Variants in AGK observed in about 807,000 individuals in gnomAD.
AGK encodes the protein acylglycerol kinase, mitochondrial.
AGK carries 52 observed loss-of-function variants against 66.4 expected under a neutral mutation model. The ratio of observed to expected loss-of-function variants is 0.78; its 90% CI spans 0.63 to 0.99. The LOEUF (loss-of-function observed/expected upper bound fraction) is 0.99, where lower values mean the gene tolerates loss of function less well. AGK is among the 50% of genes least tolerant of loss of function. The pLI, the probability that AGK is intolerant of heterozygous loss-of-function variation, is 0.00. For synonymous variants in AGK, 182 were observed against 181.1 expected, an observed-to-expected ratio of 1.00 and a Z score of -0.04; for missense variants, 451 against 506.6, an observed-to-expected ratio of 0.89 and a Z score of 1.05.
In AGK at chr7:141,654,485, G is replaced by A. The variant is rs1426132868; in HGVS notation, c.*1561G>A. 6.6e-6 allele frequency: 1 copy of A among 152,242 alleles called. No individual in the cohort carries two copies. 9.4% of individuals were successfully genotyped at this position (152,242 alleles called of 1,614,324 possible). A position where few individuals can be genotyped will look rare whatever the true frequency, so the allele number is the denominator to read the frequency against. On this transcript the variant is annotated 3_prime_UTR_variant, in exon 16 of 16. Coordinates refer to ENST00000649286, the MANE Select transcript of AGK (RefSeq NM_018238.4). Reference sequence around the variant, plus strand: ...TCTATCATCAAGAATTATTAATGATGATCTATCAACTAACAAACAACTTGA... The same window carrying A: ...TCTATCATCAAGAATTATTAATGATAATCTATCAACTAACAAACAACTTGA...
chr7:141,569,782 G>A lies in AGK; in HGVS notation c.101+14215G>A, dbSNP rs553870058. 1.1e-4 allele frequency among the ~76,000 whole-genome samples: 16 copies of A among 152,288 alleles called. No individual in the cohort carries two copies. The South Asian group carries it at 3.1e-3, about 30-fold the overall frequency. On this transcript the variant is annotated intron_variant, in intron 2 of 15. Transcript: ENST00000649286. ...GTATCAGAGCCATCATACAAAGCCA[G>A]ATAGTCCTGATCCTAACCTCTCAAA... is the stretch of plus-strand genomic sequence containing the variant.
chr7:141,633,346 A>C (rs1797098729), intron 9 of AGK, among the ~76,000 whole-genome samples: 1 of 152,176 alleles, frequency 6.6e-6, no homozygotes, highest in African/African-American at 2.4e-5. Flanking sequence ...TCACTGATTT[A>C]TTAGAAACTC....
At chr7:141,582,639 C>T (rs918844632) in intron 2 of AGK, among the ~76,000 whole-genome samples, 2 of 151,742 alleles carry the variant, frequency 1.3e-5, no homozygotes, top group African/African-American at 2.4e-5. Flanking sequence ...TGAAAAAGAG[C>T]CTAAACGCTA....
At chr7:141,647,831 C>T (rs926322137) in intron 13 of AGK, among the ~76,000 whole-genome samples, 15 of 152,080 alleles carry the variant, frequency 9.9e-5, no homozygotes, top group East Asian at 5.8e-4. Context: ...CCACCACACC[C>T]GGCTAGTATT....
intron 14 of AGK, among the ~76,000 whole-genome samples, 194 bp from the exon 15 acceptor site, chr7:141,651,331 C>A (rs1206305049): frequency 6.6e-6 from 1 of 152,212 alleles, no homozygotes; most frequent in Non-Finnish European, 1.5e-5. Context: ...CAGTTCTCTA[C>A]TTTCAGTCTA....
chr7:141,646,849 C>T (rs1241069199), intron 13 of AGK, among the ~76,000 whole-genome samples: 2 of 152,208 alleles, frequency 1.3e-5, no homozygotes, highest in African/African-American at 2.4e-5. Context: ...TCATGGTCTG[C>T]AAGCCTACAG....
At chr7:141,626,614 A>C (rs1191014890) in intron 9 of AGK, among the ~76,000 whole-genome samples, 5 of 152,220 alleles carry the variant, frequency 3.3e-5, no homozygotes, top group African/African-American at 1.2e-4. Context: ...TTGCTGCACA[A>C]AGTGTTAACT....
At chr7:141,637,114 T>C in intron 11 of AGK, 97 bp downstream of exon 11, 1 of 940,088 alleles carries the variant, frequency 1.1e-6, no homozygotes. Context: ...TTGCTACAGA[T>C]GAATGTGGCA....
intron 5 of AGK, among the ~76,000 whole-genome samples, chr7:141,607,281 A>T (rs1266209878): frequency 6.6e-6 from 1 of 152,148 alleles, no homozygotes; most frequent in African/African-American, 2.4e-5. Flanking sequence ...AGTGAACTAG[A>T]GTTCCTCTTG....
intron 9 of AGK, among the ~76,000 whole-genome samples, chr7:141,624,857 A>G (rs780172976): frequency 6.6e-6 from 1 of 152,160 alleles, no homozygotes; most frequent in Non-Finnish European, 1.5e-5. Context: ...AATTTCTGCT[A>G]TAGGTCACAT....
chr7:141,641,413 G>A lies in AGK; in HGVS notation c.877+15G>A, dbSNP rs201052151. On this transcript the variant is annotated intron_variant, in intron 12 of 15. Coordinates refer to ENST00000649286, the MANE Select transcript of AGK (RefSeq NM_018238.4). ...ACCACAGGATGGTGAGCAATGTGGCGACTAAAGATTGGAGGGCCCTGGTCA... is the reference window on the plus strand; with the variant it reads ...ACCACAGGATGGTGAGCAATGTGGCAACTAAAGATTGGAGGGCCCTGGTCA... The A allele has an allele frequency of 2.2e-4, 354 of 1,604,190 alleles. 1 individual carries two copies. The highest frequency in any genetic ancestry group is 1.5e-3 in the Middle Eastern group (9 of 5,976).
At chr7:141,566,668 G>C (rs1795477758) in intron 2 of AGK, among the ~76,000 whole-genome samples, 1 of 152,162 alleles carries the variant, frequency 6.6e-6, no homozygotes. Flanking sequence ...AGTTACCCCA[G>C]AGTGCATATT....
intron 13 of AGK, among the ~76,000 whole-genome samples, chr7:141,648,076 C>T (rs969131001): frequency 1.3e-5 from 2 of 152,222 alleles, no homozygotes; most frequent in Non-Finnish European, 2.9e-5. Flanking sequence ...TGGGTGGCCA[C>T]ATCGCCGGCT....
At chr7:141,593,787 T>G (rs958734331) in intron 3 of AGK, 4 of 159,246 alleles carry the variant, frequency 2.5e-5, no homozygotes, top group African/African-American at 9.6e-5. Flanking sequence ...GATGAAATTC[T>G]GAGACTGAGT....
intron 9 of AGK, among the ~76,000 whole-genome samples, chr7:141,628,688 CAGGTT>C (rs1796993071): frequency 6.6e-6 from 1 of 152,160 alleles, no homozygotes; most frequent in Non-Finnish European, 1.5e-5. Flanking sequence ...CCTCATTTGA[CAGGTT>C]AGGGAAAAAA....
At chr7:141,566,366 A>G (rs753778024) in intron 2 of AGK, among the ~76,000 whole-genome samples, 3 of 152,244 alleles carry the variant, frequency 2.0e-5, no homozygotes, top group Non-Finnish European at 4.4e-5. Context: ...CCCAGTACAT[A>G]GAAGATACTT....
At chr7:141,580,460 G>A (rs1795858029) in intron 2 of AGK, among the ~76,000 whole-genome samples, 1 of 151,952 alleles carries the variant, frequency 6.6e-6, no homozygotes, top group Non-Finnish European at 1.5e-5. Flanking sequence ...CAGTCATGGG[G>A]GTCAGGTGTG....
At chr7:141,585,863 T>C (rs932079030) in intron 2 of AGK, among the ~76,000 whole-genome samples, 7 of 152,224 alleles carry the variant, frequency 4.6e-5, no homozygotes, top group African/African-American at 1.7e-4. Flanking sequence ...AGAACCTGCA[T>C]TTTAATACTG....
chr7:141,644,418 A>G (rs35244683), intron 13 of AGK, among the ~76,000 whole-genome samples: 7,263 of 152,304 alleles, frequency 0.048, 297 homozygotes, highest in South Asian at 0.14. Flanking sequence ...GTTCTTTATA[A>G]AAATAAAAGC....
Sources: gnomAD v4.1 joint callset for allele counts (sites outside exome capture counted in the v4.1 genomes callset) on GRCh38, gnomAD v4.1.1 for gene constraint, MANE v1.5 for transcripts, NCBI Gene and HGNC (gene_info 2026-07-23, HGNC 2026-07-21) for gene names.